The following ATP8B4 variants were observed in gnomAD, a reference collection of about 807,000 sequenced individuals.
ATP8B4 encodes the protein probable phospholipid-transporting ATPase IM.
In ATP8B4, 133 loss-of-function variants were observed where a neutral mutation model predicts 145.6. The ratio of observed to expected loss-of-function variants is 0.91; its 90% CI spans 0.79 to 1.05. The LOEUF (loss-of-function observed/expected upper bound fraction) is 1.05. Ranked by LOEUF, ATP8B4 falls within the 50% of genes least tolerant of loss-of-function variation. The pLI, the probability that ATP8B4 is intolerant of heterozygous loss-of-function variation, is 0.00. For missense variants in ATP8B4, 1,458 were observed against 1,425.2 expected (o/e 1.02, Z -0.37); for synonymous variants, 507 against 492.9 (o/e 1.03, Z -0.38).
chr15:50,067,052 C>T (rs1211806340), intron 3 of ATP8B4, among the ~76,000 whole-genome samples: 4 of 152,014 alleles, frequency 2.6e-5, no homozygotes, highest in Non-Finnish European at 5.9e-5. Context: ...TAAGTTCTTT[C>T]CCTCCCACTC....
At position 49,887,326 on chromosome 15, in the gene ATP8B4, G is replaced by A. The variant is rs372136061; in HGVS notation, c.2698-7867C>T. ...TGTTTCTCCCCTTCCAAGCATGCTC[G>A]GGCACTCTACCACCTCTTCTTCCCT... On this transcript the variant is annotated intron_variant, in intron 23 of 27. Transcript: ENST00000284509. Among the ~76,000 whole-genome samples, 272 of 151,904 alleles carry A rather than the reference G, an allele frequency of 1.8e-3. 1 individual carries two copies. The highest frequency in any genetic ancestry group is 5.9e-3 in the African/African-American group (246 of 41,406).
chr15:50,054,570 T>C (rs1486550986), intron 3 of ATP8B4, among the ~76,000 whole-genome samples: 1 of 151,772 alleles, frequency 6.6e-6, no homozygotes, highest in African/African-American at 2.4e-5. Flanking sequence ...GATCACAAGG[T>C]CAGGAGATCG....
At chr15:50,004,206 TA>T (rs1343853803) in intron 7 of ATP8B4, among the ~76,000 whole-genome samples, 3 of 152,184 alleles carry the variant, frequency 2.0e-5, no homozygotes, top group African/African-American at 7.2e-5. Flanking sequence ...TTCAAGGCGT[TA>T]ATTCATTGTG....
chr15:50,077,027 A>C (rs897680977), intron 2 of ATP8B4, among the ~76,000 whole-genome samples: 3 of 152,324 alleles, frequency 2.0e-5, no homozygotes, highest in Admixed American at 6.5e-5. Flanking sequence ...AACGGCTCAG[A>C]GGTTCAATGA....
chr15:49,907,729 C>T (rs950769114), intron 20 of ATP8B4, among the ~76,000 whole-genome samples: 1 of 152,210 alleles, frequency 6.6e-6, no homozygotes, highest in African/African-American at 2.4e-5. Flanking sequence ...TCAAAAGTTT[C>T]CCACTCAGCC....
At chr15:49,980,636 G>A (rs986991546) in intron 11 of ATP8B4, among the ~76,000 whole-genome samples, 1 of 152,200 alleles carries the variant, frequency 6.6e-6, no homozygotes, top group Non-Finnish European at 1.5e-5. Context: ...GCCTCTGTGA[G>A]GGAGGAGAAC....
At chr15:50,031,567 G>A (rs1038259219) in intron 6 of ATP8B4, among the ~76,000 whole-genome samples, 2 of 75,938 alleles carry the variant, frequency 2.6e-5, no homozygotes, top group African/African-American at 3.0e-4. Context: ...ATGATCTTTG[G>A]GTTTTTTTTT....
At chr15:50,136,071 T>A (rs2044117612) in intron 1 of ATP8B4, among the ~76,000 whole-genome samples, 1 of 152,142 alleles carries the variant, frequency 6.6e-6, no homozygotes, top group Non-Finnish European at 1.5e-5. Context: ...TCCATTTGGA[T>A]CCCCTGATTG....
intron 23 of ATP8B4, chr15:49,883,187 A>G (rs2153411187): frequency 6.6e-6 from 1 of 151,964 alleles, no homozygotes; most frequent in Middle Eastern, 3.4e-3. Flanking sequence ...CAAATCTTCA[A>G]CTCATTGATG....
chr15:50,139,141 T>C (rs2044173249), intron 1 of ATP8B4, among the ~76,000 whole-genome samples: 1 of 152,226 alleles, frequency 6.6e-6, no homozygotes, highest in Admixed American at 6.5e-5. Context: ...TGCACACGTA[T>C]GTTTATTGCA....
chr15:49,996,594 A>C (rs1351307925), intron 9 of ATP8B4, 83 bp downstream of exon 9: 5 of 1,125,914 alleles, frequency 4.4e-6, no homozygotes, highest in Non-Finnish European at 6.3e-6. Context: ...ATAAAAAGAA[A>C]CATAAATTGG....
intron 1 of ATP8B4, among the ~76,000 whole-genome samples, chr15:50,141,435 G>A (rs559410916): frequency 6.6e-6 from 1 of 152,242 alleles, no homozygotes; most frequent in African/African-American, 2.4e-5. Flanking sequence ...AATGGGCTGA[G>A]AGGACCTCAC....
intron 26 of ATP8B4, among the ~76,000 whole-genome samples, chr15:49,863,250 G>A (rs989296414): frequency 6.6e-6 from 1 of 152,134 alleles, no homozygotes; most frequent in African/African-American, 2.4e-5. Flanking sequence ...GAAGGCTCCT[G>A]GGTTTGTGAA....
intron 6 of ATP8B4, among the ~76,000 whole-genome samples, chr15:50,016,124 A>G (rs1399944818): frequency 1.3e-5 from 2 of 152,184 alleles, no homozygotes; most frequent in African/African-American, 4.8e-5. Flanking sequence ...TATTTTGAAA[A>G]CAAAATGATC....
intron 3 of ATP8B4, among the ~76,000 whole-genome samples, chr15:50,062,594 T>G (rs1010501676): frequency 6.6e-6 from 1 of 152,190 alleles, no homozygotes; most frequent in African/African-American, 2.4e-5. Context: ...ATTCCACTTA[T>G]GAGAAAATAA....
intron 1 of ATP8B4, among the ~76,000 whole-genome samples, chr15:50,164,556 G>T (rs1192620066): frequency 6.6e-6 from 1 of 152,106 alleles, no homozygotes; most frequent in Non-Finnish European, 1.5e-5. Flanking sequence ...CTACTGTACT[G>T]CCTGGGGTTG....
chr15:49,943,485 A>G (rs993523303), intron 14 of ATP8B4, among the ~76,000 whole-genome samples: 1 of 152,202 alleles, frequency 6.6e-6, no homozygotes, highest in Non-Finnish European at 1.5e-5. Flanking sequence ...AAAGCAACTC[A>G]TCATGTACAA....
chr15:49,988,025 A>G (rs759665622), intron 9 of ATP8B4, among the ~76,000 whole-genome samples: 2 of 152,204 alleles, frequency 1.3e-5, no homozygotes, highest in African/African-American at 2.4e-5. Flanking sequence ...CTGAGGTCCT[A>G]CTGTATTCCA....
chr15:50,122,507 G>A (rs1230414989), upstream of ATP8B4, among the ~76,000 whole-genome samples: 1 of 149,774 alleles, frequency 6.7e-6, no homozygotes, highest in Non-Finnish European at 1.5e-5. Context: ...AGTCATAACA[G>A]AAGTTTTAGG....
Sources: allele counts gnomAD v4.1 joint callset (sites outside exome capture counted in the v4.1 genomes callset), GRCh38; gene constraint gnomAD v4.1.1; transcripts MANE v1.5; gene names NCBI Gene and HGNC (gene_info 2026-07-23, HGNC 2026-07-21).